Variants in SPHKAP observed in about 807,000 individuals in gnomAD.
The protein encoded by SPHKAP is SPHK1 interactor, AKAP domain containing.
Under a neutral mutation model 137.5 loss-of-function variants are expected in SPHKAP, and 67 were observed. The ratio of observed to expected loss-of-function variants is 0.49; its 90% CI spans 0.40 to 0.60. The LOEUF (loss-of-function observed/expected upper bound fraction) is 0.60. SPHKAP is among the 20% of genes least tolerant of loss of function. The pLI is 0.00. For synonymous variants in SPHKAP, 813 were observed against 785.3 expected (o/e 1.04, Z -0.59); for missense variants, 2,097 against 2,069.3 (o/e 1.01, Z -0.26).
chr2:228,106,197 ATAT>A (rs1461306322), intron 3 of SPHKAP, among the ~76,000 whole-genome samples: 1 of 152,222 alleles, frequency 6.6e-6, no homozygotes, highest in Non-Finnish European at 1.5e-5. Context: ...CTCAATAAAA[ATAT>A]TATGTGGACA....
intron 1 of SPHKAP, among the ~76,000 whole-genome samples, chr2:228,177,195 C>CA (rs796495900): frequency 6.9e-6 from 1 of 144,130 alleles, no homozygotes; most frequent in East Asian, 2.0e-4. Flanking sequence ...TCTTTTAAGC[C>CA]TTTTTTTTTT....
intron 9 of SPHKAP, chr2:227,991,711 T>G: frequency 1.0e-6 from 1 of 977,484 alleles, no homozygotes; most frequent in East Asian, 1.1e-4. Flanking sequence ...GCATTTTACT[T>G]TCATCTTAAT....
At chr2:228,092,810 G>A (rs1382114739) in intron 3 of SPHKAP, among the ~76,000 whole-genome samples, 1 of 151,876 alleles carries the variant, frequency 6.6e-6, no homozygotes, top group Non-Finnish European at 1.5e-5. Flanking sequence ...CTTAGAAATG[G>A]AAAACCAAAC....
chr2:228,038,100 C>T (rs1695700333), intron 3 of SPHKAP, among the ~76,000 whole-genome samples: 1 of 152,154 alleles, frequency 6.6e-6, no homozygotes, highest in South Asian at 2.1e-4. Context: ...TGCTTGGTGT[C>T]AATGCTGGGT....
At chr2:228,154,384 T>A (rs1700029348) in intron 1 of SPHKAP, among the ~76,000 whole-genome samples, 1 of 150,078 alleles carries the variant, frequency 6.7e-6, no homozygotes, top group African/African-American at 2.4e-5. Flanking sequence ...AAGAAAAAAA[T>A]TAGTTAAAAA....
intron 1 of SPHKAP, among the ~76,000 whole-genome samples, chr2:228,138,019 A>G (rs73098632): frequency 0.02 from 3,086 of 152,294 alleles, 98 homozygotes; most frequent in African/African-American, 0.07. Context: ...ACTTTAGTCA[A>G]GCTCCTTTGA....
At chr2:227,983,589 C>T (rs898483919) in intron 11 of SPHKAP, among the ~76,000 whole-genome samples, 2 of 151,654 alleles carry the variant, frequency 1.3e-5, no homozygotes, top group Non-Finnish European at 2.9e-5. Context: ...GGATGCAAGA[C>T]CAAGCGTGAG....
intron 7 of SPHKAP, among the ~76,000 whole-genome samples, chr2:228,001,948 T>G (rs1574728292): frequency 6.6e-6 from 1 of 152,214 alleles, no homozygotes; most frequent in East Asian, 1.9e-4. Flanking sequence ...ATGTGCCACA[T>G]TTTCTTAATC....
intron 11 of SPHKAP, among the ~76,000 whole-genome samples, chr2:227,989,299 C>T (rs1693325701): frequency 2.0e-5 from 3 of 152,148 alleles, no homozygotes; most frequent in South Asian, 4.1e-4. Flanking sequence ...CCTGGGAAAT[C>T]GCTCATGTAC....
chr2:228,131,673 A>AT (rs1030839581), intron 2 of SPHKAP: 6 of 530,532 alleles, frequency 1.1e-5, no homozygotes, highest in Admixed American at 6.4e-5. Flanking sequence ...ATGCATGAAC[A>AT]TTTTTCTGAA....
chr2:228,088,294 A>C (rs1395292576), intron 3 of SPHKAP, among the ~76,000 whole-genome samples: 5 of 152,200 alleles, frequency 3.3e-5, no homozygotes, highest in Non-Finnish European at 5.9e-5. Flanking sequence ...AAAACACATA[A>C]ATGAGAAGTA....
chr2:227,982,284 T>A (rs1047835283), intron 11 of SPHKAP: 2 of 985,242 alleles, frequency 2.0e-6, no homozygotes, highest in African/African-American at 3.5e-5. Flanking sequence ...TTAGGCCAAA[T>A]AAATCAAGTG....
chr2:228,110,860 T>C (rs1698496290), intron 2 of SPHKAP, among the ~76,000 whole-genome samples: 1 of 152,178 alleles, frequency 6.6e-6, no homozygotes, highest in African/African-American at 2.4e-5. Context: ...AAATATGTTA[T>C]ATAGGATAAT....
intron 1 of SPHKAP, among the ~76,000 whole-genome samples, chr2:228,159,685 T>G (rs1251396676): frequency 1.3e-5 from 2 of 152,018 alleles, no homozygotes; most frequent in Non-Finnish European, 2.9e-5. Flanking sequence ...GGGCCTAGAG[T>G]CAGGAAGTAT....
intron 3 of SPHKAP, among the ~76,000 whole-genome samples, chr2:228,092,244 C>A (rs190316428): frequency 6.9e-6 from 1 of 145,242 alleles, no homozygotes; most frequent in Non-Finnish European, 1.5e-5. Context: ...TGTATACACA[C>A]GTGTATATGT....
chr2:228,000,291 C>T (rs1031938762), intron 7 of SPHKAP, among the ~76,000 whole-genome samples: 1 of 151,796 alleles, frequency 6.6e-6, no homozygotes, highest in Non-Finnish European at 1.5e-5. Flanking sequence ...ACCAGCCTAG[C>T]CAACATGGTG....
chr2:228,024,182 T>C (rs903217013), intron 5 of SPHKAP, among the ~76,000 whole-genome samples: 1 of 152,170 alleles, frequency 6.6e-6, no homozygotes, highest in Non-Finnish European at 1.5e-5. Context: ...AAATTAAGAA[T>C]CCTAACTGGG....
chr2:228,086,191 T>G (rs1361898432), intron 3 of SPHKAP, among the ~76,000 whole-genome samples: 1 of 152,134 alleles, frequency 6.6e-6, no homozygotes, highest in Non-Finnish European at 1.5e-5. Flanking sequence ...TGAAAACAAG[T>G]ATTATAATTA....
intron 3 of SPHKAP, among the ~76,000 whole-genome samples, chr2:228,088,176 AAT>A (rs1697600325): frequency 6.6e-6 from 1 of 152,164 alleles, no homozygotes; most frequent in South Asian, 2.1e-4. Context: ...AAATTCTGTA[AAT>A]ATATACTTCC....
Sources: gnomAD v4.1 joint callset for allele counts (sites outside exome capture counted in the v4.1 genomes callset) on GRCh38, gnomAD v4.1.1 for gene constraint, MANE v1.5 for transcripts, NCBI Gene and HGNC (gene_info 2026-07-23, HGNC 2026-07-21) for gene names.